SIRT7: variants seen among roughly 807,000 people sequenced by gnomAD.
SIRT7 encodes NAD-dependent protein deacetylase sirtuin-7.
SIRT7 carries 32 observed loss-of-function variants against 42.8 expected under a neutral mutation model. The observed-to-expected ratio is 0.75, with a 90% CI of 0.56 to 1.00. The LOEUF is 1.00. SIRT7 is among the 50% of genes least tolerant of loss of function. SIRT7 has a pLI of 0.00. For missense variants in SIRT7, 553 were observed against 572.2 expected (o/e 0.97, Z 0.34); for synonymous variants, 297 against 245.2 (o/e 1.21, Z -1.97).
chr17:81,912,948 A>G (rs1322420882), intron 9 of SIRT7: 1 of 415,512 alleles, frequency 2.4e-6, no homozygotes, highest in Non-Finnish European at 4.5e-6. Context: ...GGGATGAGTC[A>G]CTAGCAACTC....
chr17:81,913,558 T>G lies in SIRT7; in HGVS notation c.1004+216A>C. 1 of 556,730 alleles carries G rather than the reference T, an allele frequency of 1.8e-6. No homozygotes were observed. The highest frequency in any genetic ancestry group is 3.2e-6 in the Non-Finnish European group (1 of 309,110). The allele number at this position is 556,730 out of a possible 1,614,324, so 34.5% of individuals were successfully genotyped here. A position where few individuals can be genotyped will look rare whatever the true frequency, so the allele number is the denominator to read the frequency against. On this transcript the variant is annotated intron_variant, in intron 9 of 9. Coordinates refer to ENST00000328666, the MANE Select transcript of SIRT7 (RefSeq NM_016538.3). The surrounding 1 kb of genome is among the most constrained non-coding windows in gnomAD (Gnocchi z 5.0). ...GGCAGAATCCCTCTCCCCGCGGGGA[T>G]TGTGTGTGCCACATCAGCCAGGGCA...
At position 81,912,504 on chromosome 17, in the gene SIRT7, C is replaced by T. The variant is rs148268197; in HGVS notation, c.1115G>A (p.Arg372Gln). 6.1e-5 allele frequency: 98 copies of T among 1,613,746 alleles called. No homozygotes were observed. Among genetic ancestry groups the T allele is most frequent in the Non-Finnish European group, 7.6e-5 (90 of 1,180,000 alleles). The stretch of plus-strand genomic sequence containing the variant: ...GGGGGCCGAGCTAAGCGGTGCACCC[C>T]GGTCCCCAGGCGGGGCCTCCTCTCT... ...RSREEAPPGD[R>Q]GAPLSSAPIL... The change falls in exon 10 of 10, where the codon CGG (arginine) becomes CAG (glutamine). Residue 372 changes from arginine (R) to glutamine (Q), a missense_variant. Coordinates refer to ENST00000328666, the MANE Select transcript of SIRT7 (RefSeq NM_016538.3).
In SIRT7 at chr17:81,912,412, G is replaced by A. The variant is rs200718529; in HGVS notation, c.*4C>T. 8.7e-6 allele frequency: 14 copies of A among 1,613,998 alleles called. No individual in the cohort carries two copies. Among genetic ancestry groups the A allele is most frequent in the Admixed American group, 8.3e-5 (5 of 60,012 alleles). On this transcript the variant is annotated 3_prime_UTR_variant, in exon 10 of 10. Coordinates refer to ENST00000328666, the MANE Select transcript of SIRT7 (RefSeq NM_016538.3). ...GTGCCAACTGTTCTTCATCGAGCAC[G>A]TGATTACGTCACTTTCTTCCTTTTT...
At chr17:81,914,021 G>T in intron 8 of SIRT7, 66 bp downstream of exon 8, 1 of 1,591,508 alleles carries the variant, frequency 6.3e-7, no homozygotes, top group Non-Finnish European at 8.6e-7. Flanking sequence ...GCATGGGTGT[G>T]GGGTGTCTCT....
At chr17:81,917,047 G>T (rs1316909909) in intron 3 of SIRT7, 2 of 152,254 alleles carry the variant, frequency 1.3e-5, no homozygotes, top group African/African-American at 2.4e-5. Context: ...CAGCTTTACA[G>T]TATGGTTATT....
rs1488876532 is a variant in SIRT7 at position 81,913,317 on chromosome 17, G to A, written c.1004+457C>T. 3 of 455,368 alleles carry A rather than the reference G, an allele frequency of 6.6e-6. No homozygotes were observed. The highest frequency in any genetic ancestry group is 2.0e-5 in the African/African-American group (1 of 50,006). The allele number at this position is 455,368 out of a possible 1,614,324, so 28.2% of individuals were successfully genotyped here. On this transcript the variant is annotated intron_variant, in intron 9 of 9. Coordinates refer to ENST00000328666, the MANE Select transcript of SIRT7 (RefSeq NM_016538.3). The surrounding 1 kb of genome is among the most constrained non-coding windows in gnomAD (Gnocchi z 5.0). Reference sequence around the variant, plus strand: ...CCCTGAAAATTCACAGAGAAAGAGAGTGTAAACTTTTTACTCAATACATAC... The same window carrying A: ...CCCTGAAAATTCACAGAGAAAGAGAATGTAAACTTTTTACTCAATACATAC...
intron 9 of SIRT7, 29 bp from the exon 10 acceptor site, chr17:81,912,643 G>T: frequency 6.3e-7 from 1 of 1,597,464 alleles, no homozygotes; most frequent in Non-Finnish European, 8.5e-7. Context: ...GGCATCAGGC[G>T]GGCCTGGGAG....
At chr17:81,912,778 T>C in intron 9 of SIRT7, 164 bp from the exon 10 acceptor site, 1 of 744,258 alleles carries the variant, frequency 1.3e-6, no homozygotes, top group Non-Finnish European at 2.3e-6. Context: ...GTTACCAAGC[T>C]GCAGAACGGA....
chr17:81,917,668 C>T lies in SIRT7; in HGVS notation c.283G>A (p.Ala95Thr). 2 of 1,607,684 alleles carry T rather than the reference C, an allele frequency of 1.2e-6. No individual in the cohort carries two copies. The highest frequency in any genetic ancestry group is 1.7e-6 in the Non-Finnish European group (2 of 1,177,708). ...LRGKVRELAS[A>T]VRNAKYLVVY... ...ACCAAGTATTTGGCGTTCCGGACGG[C>T]GCTGGCCAGCTCCCGGACCTTCCCC... is the stretch of plus-strand genomic sequence containing the variant. Residue 95 changes from alanine to threonine, a missense_variant, in exon 3 of 10, where the codon GCC becomes ACC. Physicochemically the swap from Ala to Thr is moderately conservative, Grantham distance 58 (BLOSUM62 0). Coordinates refer to ENST00000328666, the MANE Select transcript of SIRT7 (RefSeq NM_016538.3).
chr17:81,918,092 CCGCTTTGCGCTCGGAGCGGCTCAGA>C lies in SIRT7; in HGVS notation c.15_39del (p.Leu6ArgfsTer23), dbSNP rs1329345764. ...TCCCGCAACCTCCGGACCCGCTCCG[CCGCTTTGCGCTCGGAGCGGCTCAGA>C]CCCCCGGCTGCCATCGCTCCCCTGG... On this transcript the variant is annotated frameshift_variant, in exon 1 of 10. Coordinates refer to ENST00000328666, the MANE Select transcript of SIRT7 (RefSeq NM_016538.3). LOFTEE classifies it high-confidence loss of function. 7.1e-6 allele frequency: 11 copies of C among 1,551,776 alleles called. No individual in the cohort carries two copies. The highest frequency in any genetic ancestry group is 9.5e-6 in the Non-Finnish European group (11 of 1,160,148).
At chr17:81,915,717 G>A in intron 3 of SIRT7, 36 bp from the exon 4 acceptor site, 2 of 1,607,686 alleles carry the variant, frequency 1.2e-6, no homozygotes, top group Non-Finnish European at 1.7e-6. Context: ...CAAGTCAAAA[G>A]GCACCACTGT....
chr17:81,912,372 C>T lies in SIRT7; in HGVS notation c.*44G>A. 1.2e-6 allele frequency: 2 copies of T among 1,611,790 alleles called. No homozygotes were observed. The highest frequency in any genetic ancestry group is 1.1e-5 in the South Asian group (1 of 91,032). ...GGGCAACCCAGCCTTCACCGTGACA[C>T]TGGCCATCTGCAAAGTGCCAACTGT... is the stretch of plus-strand genomic sequence containing the variant. On this transcript the variant is annotated 3_prime_UTR_variant, in exon 10 of 10. Transcript: ENST00000328666.
intron 3 of SIRT7, chr17:81,917,297 G>C (rs1363848875): frequency 3.8e-6 from 1 of 259,962 alleles, no homozygotes; most frequent in African/African-American, 2.2e-5. Flanking sequence ...GGCTCTTACT[G>C]TGTCACTTTC....
intron 9 of SIRT7, chr17:81,912,816 G>A (rs1414336655): frequency 1.6e-6 from 1 of 634,494 alleles, no homozygotes; most frequent in Non-Finnish European, 2.8e-6. Flanking sequence ...CTTAGGTGGT[G>A]ACTCAAAGGT....
intron 3 of SIRT7, 170 bp from the exon 4 acceptor site, chr17:81,915,851 C>T (rs2040787621): frequency 1.4e-6 from 1 of 702,952 alleles, no homozygotes; most frequent in Non-Finnish European, 2.4e-6. Flanking sequence ...TGGAGTGTAC[C>T]CCAATTCGGC....
chr17:81,917,565 T>G (rs1229139169), intron 3 of SIRT7, 50 bp downstream of exon 3: 5 of 1,458,686 alleles, frequency 3.4e-6, no homozygotes, highest in Non-Finnish European at 4.6e-6. Flanking sequence ...TTTTCGCGAT[T>G]ACTGGAGCTC....
chr17:81,915,292 G>A (rs1410273892), intron 5 of SIRT7, 148 bp downstream of exon 5: 1 of 796,538 alleles, frequency 1.3e-6, no homozygotes, highest in African/African-American at 1.7e-5. Flanking sequence ...AAGCACAGGA[G>A]GATCAAACCC....
intron 5 of SIRT7, chr17:81,914,962 ACCGTC>A (rs2040767250): frequency 1.8e-6 from 1 of 547,746 alleles, no homozygotes; most frequent in African/African-American, 1.9e-5. Flanking sequence ...AAGAGGTTGC[ACCGTC>A]CCGGCAAGGT....
rs900419965 is a variant in SIRT7, at chr17:81,913,174, C to T, written c.1005-560G>A. 2.4e-6 allele frequency: 1 copy of T among 423,640 alleles called. No individual in the cohort carries two copies. The highest frequency in any genetic ancestry group is 7.1e-5 in the East Asian group (1 of 14,162). The allele number at this position is 423,640 out of a possible 1,614,324, so 26.2% of individuals were successfully genotyped here. A position where few individuals can be genotyped will look rare whatever the true frequency, so the allele number is the denominator to read the frequency against. ...AAAAAAAAAATACAGTACACGATAG[C>T]CCACATCACAGAACACCACACACAT... is the stretch of plus-strand genomic sequence containing the variant. On this transcript the variant is annotated intron_variant, in intron 9 of 9. Coordinates refer to ENST00000328666, the MANE Select transcript of SIRT7 (RefSeq NM_016538.3). The surrounding 1 kb of genome is among the most constrained non-coding windows in gnomAD (Gnocchi z 5.0).
Sources: gnomAD v4.1 joint callset for allele counts on GRCh38, gnomAD v4.1.1 for gene constraint, Gnocchi (gnomAD v3.1) non-coding constraint, MANE v1.5 for transcripts, NCBI Gene and HGNC (gene_info 2026-07-23, HGNC 2026-07-21) for gene names.